MEIKIN: variants seen among roughly 807,000 people sequenced by gnomAD.
MEIKIN encodes the protein meiosis-specific kinetochore protein.
intron 11 of MEIKIN, among the ~76,000 whole-genome samples, chr5:131,830,883 C>A (rs60364144): frequency 1.1e-3 from 159 of 150,948 alleles, no homozygotes; most frequent in Middle Eastern, 3.4e-3. Context: ...ACAAAACCTA[C>A]AAATCTGAGG....
chr5:131,937,965 A>G (rs532600793), intron 4 of MEIKIN, among the ~76,000 whole-genome samples: 7 of 152,116 alleles, frequency 4.6e-5, no homozygotes, highest in African/African-American at 1.2e-4. Context: ...TTCAGTAAAT[A>G]CACTCATGAC....
intron 5 of MEIKIN, among the ~76,000 whole-genome samples, chr5:131,924,534 G>A (rs1433038034): frequency 6.6e-6 from 1 of 152,068 alleles, no homozygotes; most frequent in Non-Finnish European, 1.5e-5. Context: ...ACAAGTGTGA[G>A]GTGATACTGT....
chr5:131,878,876 T>TA (rs34025279), intron 9 of MEIKIN, 102 bp downstream of exon 9: 9,669 of 313,616 alleles, frequency 0.031, 85 homozygotes, highest in East Asian at 0.12. Flanking sequence ...CCCCATTTCT[T>TA]AAAAAAAAAA....
Position 131,851,303 on chromosome 5 carries a change from A to G in MEIKIN, c.936T>C (p.Ile312=), listed in dbSNP as rs1750110099. ...NVSNYVNSNE[I]VPVSSLQENS... Reference sequence around the variant, plus strand: ...TTTCCTGCAAACTTGACACAGGAACAATTTCATTTGAATTAACATAATTGC... The same window carrying G: ...TTTCCTGCAAACTTGACACAGGAACGATTTCATTTGAATTAACATAATTGC... Residue 312 remains isoleucine (I), a synonymous_variant, in exon 11 of 13, where the codon ATT becomes ATC. Coordinates refer to ENST00000442687, the MANE Select transcript of MEIKIN (RefSeq NM_001303622.2). 1 of 398,136 alleles carries G rather than the reference A, an allele frequency of 2.5e-6. No individual in the cohort carries two copies. The highest frequency in any genetic ancestry group is 1.3e-4 in the South Asian group (1 of 7,858). The allele number at this position is 398,136 out of a possible 1,614,324, so 24.7% of individuals were successfully genotyped here.
chr5:131,869,379 C>G (rs1750445489), intron 9 of MEIKIN, among the ~76,000 whole-genome samples: 1 of 152,166 alleles, frequency 6.6e-6, no homozygotes, highest in Non-Finnish European at 1.5e-5. Context: ...GTCTTGATTA[C>G]TGCACCTTTA....
intron 9 of MEIKIN, among the ~76,000 whole-genome samples, chr5:131,877,902 G>A (rs1750643682): frequency 6.6e-6 from 1 of 152,186 alleles, no homozygotes; most frequent in South Asian, 2.1e-4. Flanking sequence ...ACCATTCTGA[G>A]TAGCATGATG....
intron 11 of MEIKIN, among the ~76,000 whole-genome samples, chr5:131,836,095 G>A (rs1235137258): frequency 2.0e-5 from 3 of 152,050 alleles, no homozygotes; most frequent in Non-Finnish European, 2.9e-5. Flanking sequence ...CCCTGTATAT[G>A]TCCATGTGTT....
chr5:131,865,017 T>C lies in MEIKIN; in HGVS notation c.775-10183A>G, dbSNP rs1390378067. ...TTAGTCTATTGTTGAATCTTTTGAG[T>C]GTATTTTGTATTTCATTCAATGAAA... On this transcript the variant is annotated intron_variant, in intron 9 of 12. Coordinates refer to ENST00000442687, the MANE Select transcript of MEIKIN (RefSeq NM_001303622.2). Among the ~76,000 whole-genome samples the C allele has an allele frequency of 3.3e-5, 5 of 152,200 alleles. No homozygotes were observed. In the East Asian group the frequency reaches 9.6e-4, roughly 29 times the overall value.
chr5:131,945,605 C>A lies in MEIKIN; in HGVS notation c.-100G>T, dbSNP rs1174864731. On this transcript the variant is annotated 5_prime_UTR_variant, in exon 1 of 13. Transcript: ENST00000442687. ...AAGTCACAGGGAGTCAGCGTCCAGGCGAGGCCCGCGGAGCAGCCTCACAGC... is the reference window on the plus strand; with the variant it reads ...AAGTCACAGGGAGTCAGCGTCCAGGAGAGGCCCGCGGAGCAGCCTCACAGC... 5.0e-6 allele frequency: 2 copies of A among 398,616 alleles called. No individual in the cohort carries two copies. Among genetic ancestry groups the A allele is most frequent in the East Asian group, 3.6e-5 (1 of 28,006 alleles). The allele number at this position is 398,616 out of a possible 1,614,324, so 24.7% of individuals were successfully genotyped here.
intron 11 of MEIKIN, among the ~76,000 whole-genome samples, chr5:131,841,041 G>A (rs1749899512): frequency 6.6e-6 from 1 of 152,058 alleles, no homozygotes; most frequent in African/African-American, 2.4e-5. Context: ...TTATTTGATG[G>A]CCTTGAAGGT....
rs995527145 is a variant in MEIKIN at position 131,871,748 on chromosome 5, C to A, written c.774+7230G>T. Among the ~76,000 whole-genome samples, 6 of 152,300 alleles carry A rather than the reference C, an allele frequency of 3.9e-5. No individual in the cohort carries two copies. In the South Asian group the frequency reaches 8.3e-4, roughly 21 times the overall value. On this transcript the variant is annotated intron_variant, in intron 9 of 12. Coordinates refer to ENST00000442687, the MANE Select transcript of MEIKIN (RefSeq NM_001303622.2). ...AGTAGCCTAACTGGGAGGCACCCCC[C>A]AGTAGGGGCGGACTGACACCTCACA...
intron 12 of MEIKIN, among the ~76,000 whole-genome samples, chr5:131,816,594 C>T (rs568569182): frequency 2.6e-5 from 4 of 152,232 alleles, no homozygotes; most frequent in African/African-American, 7.2e-5. Context: ...TTATTCTCTC[C>T]GGAATGGTAA....
intron 8 of MEIKIN, among the ~76,000 whole-genome samples, chr5:131,880,909 C>T (rs74955669): frequency 1.2e-3 from 188 of 152,274 alleles, no homozygotes; most frequent in African/African-American, 4.1e-3. Flanking sequence ...CAAGCATGAG[C>T]AATATTTAGG....
chr5:131,877,898 C>T (rs1294668178), intron 9 of MEIKIN, among the ~76,000 whole-genome samples: 1 of 152,220 alleles, frequency 6.6e-6, no homozygotes, highest in Non-Finnish European at 1.5e-5. Context: ...GCACACCATT[C>T]TGAGTAGCAT....
At chr5:131,899,652 C>G (rs1434223892) in intron 8 of MEIKIN, among the ~76,000 whole-genome samples, 1 of 151,756 alleles carries the variant, frequency 6.6e-6, no homozygotes, top group East Asian at 1.9e-4. Flanking sequence ...AGAAATATTC[C>G]ATGCCAATGG....
intron 11 of MEIKIN, among the ~76,000 whole-genome samples, chr5:131,822,549 A>C (rs1749528481): frequency 6.6e-6 from 1 of 152,172 alleles, no homozygotes; most frequent in Non-Finnish European, 1.5e-5. Flanking sequence ...CTGCTTTCAT[A>C]AACATTCAAA....
chr5:131,938,047 T>C (rs868456813), intron 4 of MEIKIN, among the ~76,000 whole-genome samples: 3 of 152,304 alleles, frequency 2.0e-5, no homozygotes, highest in Non-Finnish European at 2.9e-5. Context: ...CTATAATGTC[T>C]GAACTACTGT....
intron 11 of MEIKIN, among the ~76,000 whole-genome samples, chr5:131,827,641 T>C (rs1749637579): frequency 6.6e-6 from 1 of 152,024 alleles, no homozygotes; most frequent in Admixed American, 6.5e-5. Flanking sequence ...TGCTAAAGAA[T>C]GAAAACAGGT....
intron 5 of MEIKIN, among the ~76,000 whole-genome samples, chr5:131,927,097 A>C (rs1373461466): frequency 6.6e-6 from 1 of 151,516 alleles, no homozygotes; most frequent in Non-Finnish European, 1.5e-5. Context: ...GCTTATTTGA[A>C]ATTTTTCTTT....
Sources: gnomAD v4.1 joint callset for allele counts (sites outside exome capture counted in the v4.1 genomes callset) on GRCh38, gnomAD v4.1.1 for gene constraint, MANE v1.5 for transcripts, NCBI Gene and HGNC (gene_info 2026-07-23, HGNC 2026-07-21) for gene names.